SUCLG2: variants seen among roughly 807,000 people sequenced by gnomAD.
SUCLG2 encodes succinate-CoA ligase GDP-forming subunit beta, also known as succinate--CoA ligase [GDP-forming] subunit beta, mitochondrial.
In SUCLG2, 42 loss-of-function variants were observed where a neutral mutation model predicts 47.9. That is an observed-to-expected ratio of 0.88 (90% CI 0.69 to 1.14). The LOEUF (loss-of-function observed/expected upper bound fraction) is 1.14, where lower values mean the gene tolerates loss of function less well. Among genes scored for constraint, SUCLG2 ranks in the 50% most tolerant of loss-of-function variants. The pLI, the probability that SUCLG2 is intolerant of heterozygous loss-of-function variation, is 0.00. For synonymous variants in SUCLG2, 195 were observed against 197.3 expected (o/e 0.99, Z 0.10); for missense variants, 571 against 525.9 (o/e 1.09, Z -0.84).
chr3:67,634,888 T>C (rs1413018663), intron 1 of SUCLG2, among the ~76,000 whole-genome samples: 1 of 152,226 alleles, frequency 6.6e-6, no homozygotes, highest in African/African-American at 2.4e-5. Context: ...CTAACCAATC[T>C]TCCTTTTCCT....
intron 2 of SUCLG2, among the ~76,000 whole-genome samples, chr3:67,531,148 A>G (rs534530653): frequency 1.3e-5 from 2 of 152,364 alleles, no homozygotes; most frequent in East Asian, 1.9e-4. Context: ...AAGTCAAAAT[A>G]TGATAGCTAT....
At chr3:67,364,435 C>G (rs1219589489) in intron 10 of SUCLG2, among the ~76,000 whole-genome samples, 4 of 143,170 alleles carry the variant, frequency 2.8e-5, no homozygotes, top group Admixed American at 6.9e-5. Flanking sequence ...CCACCCCCCC[C>G]ACCCCCAAGT....
chr3:67,386,867 C>T (rs148834198), intron 10 of SUCLG2, among the ~76,000 whole-genome samples: 51 of 152,274 alleles, frequency 3.3e-4, no homozygotes, highest in Admixed American at 9.1e-4. Context: ...CCCTGGAGAC[C>T]TTCTCAAGAA....
intron 9 of SUCLG2, among the ~76,000 whole-genome samples, chr3:67,483,526 A>G (rs1704973400): frequency 6.6e-6 from 1 of 152,204 alleles, no homozygotes; most frequent in Admixed American, 6.5e-5. Context: ...ACCAGCAGAT[A>G]TATTGCATAA....
intron 2 of SUCLG2, among the ~76,000 whole-genome samples, chr3:67,575,288 A>T (rs1247898001): frequency 2.0e-5 from 3 of 152,250 alleles, no homozygotes; most frequent in Admixed American, 6.5e-5. Context: ...TCAAAGTGCA[A>T]ACAATCTAAA....
At chr3:67,569,626 T>G (rs539261300) in intron 2 of SUCLG2, among the ~76,000 whole-genome samples, 11 of 152,258 alleles carry the variant, frequency 7.2e-5, no homozygotes, top group Non-Finnish European at 1.3e-4. Context: ...CCTTCTAATT[T>G]GTCCCTTTAG....
intron 9 of SUCLG2, among the ~76,000 whole-genome samples, chr3:67,464,883 C>T (rs529358115): frequency 1.3e-5 from 2 of 152,244 alleles, no homozygotes; most frequent in African/African-American, 4.8e-5. Flanking sequence ...AAGCTGCCAG[C>T]ATGGTGCTAA....
chr3:67,450,775 C>T (rs187851001), intron 9 of SUCLG2, among the ~76,000 whole-genome samples: 17 of 152,326 alleles, frequency 1.1e-4, no homozygotes, highest in African/African-American at 4.1e-4. Context: ...CATCATTTCC[C>T]AGGCCTTGGC....
chr3:67,491,553 C>T (rs999175200), intron 9 of SUCLG2, among the ~76,000 whole-genome samples: 10 of 151,930 alleles, frequency 6.6e-5, no homozygotes, highest in East Asian at 1.9e-4. Flanking sequence ...TAAGTAGAGA[C>T]GGGGTTTTAC....
Position 67,508,878 on chromosome 3 carries a change from T to C in SUCLG2, c.686A>G (p.Tyr229Cys), listed in dbSNP as rs1705712560. 1 of 1,611,926 alleles carries C rather than the reference T, an allele frequency of 6.2e-7. No homozygotes were observed. The change falls in exon 7 of 11, where the codon TAT (tyrosine) becomes TGT (cysteine). Residue 229 changes from tyrosine to cysteine, a missense_variant. Tyr to Cys is a radical substitution (Grantham distance 194). Coordinates refer to ENST00000307227, the MANE Select transcript of SUCLG2 (RefSeq NM_003848.4). ...SQAADQITKL[Y>C]NLFLKIDATQ... ...AGCATCAATTTTCAGGAAGAGATTA[T>C]ACAGCTTCGTAATTTGATCTGCAGC...
At chr3:67,539,984 T>C (rs1292956705) in intron 2 of SUCLG2, among the ~76,000 whole-genome samples, 3 of 152,020 alleles carry the variant, frequency 2.0e-5, no homozygotes, top group Non-Finnish European at 4.4e-5. Context: ...CTATCTATTT[T>C]GTTAGCCTTT....
chr3:67,467,786 A>G (rs1575716237), intron 9 of SUCLG2, among the ~76,000 whole-genome samples: 1 of 152,012 alleles, frequency 6.6e-6, no homozygotes, highest in Admixed American at 6.6e-5. Context: ...TAATATACCC[A>G]TTTCACAGGC....
Position 67,386,288 on chromosome 3 carries a change from G to A in SUCLG2, c.1184-10429C>T, listed in dbSNP as rs554988580. Among the ~76,000 whole-genome samples the A allele has an allele frequency of 6.6e-4, 99 of 149,724 alleles. 1 individual carries two copies. The highest frequency in any genetic ancestry group is 1.2e-3 in the Admixed American group (18 of 15,046). On this transcript the variant is annotated intron_variant, in intron 10 of 10. Transcript: ENST00000307227. The stretch of plus-strand genomic sequence containing the variant: ...TTTTTTTTGTATTTTTAGTAGAGAC[G>A]GGGTTTCACCGTGTTAGCCAGGATG...
intron 9 of SUCLG2, among the ~76,000 whole-genome samples, chr3:67,454,406 A>G (rs565820463): frequency 1.5e-4 from 1 of 6,680 alleles, no homozygotes; most frequent in Non-Finnish European, 2.5e-4. Context: ...TCAAATATAT[A>G]AAAAAAAAAT....
intron 2 of SUCLG2, among the ~76,000 whole-genome samples, chr3:67,568,557 C>T (rs1043730190): frequency 4.6e-5 from 7 of 152,274 alleles, no homozygotes; most frequent in Non-Finnish European, 7.4e-5. Flanking sequence ...ATTAAAATTA[C>T]CTTCCCTCAT....
intron 2 of SUCLG2, among the ~76,000 whole-genome samples, chr3:67,547,541 T>C (rs993405899): frequency 4.6e-5 from 7 of 152,096 alleles, no homozygotes; most frequent in Admixed American, 4.6e-4. Context: ...CCCTTTCTCA[T>C]TGCCTCCCAG....
intron 10 of SUCLG2, among the ~76,000 whole-genome samples, chr3:67,391,603 C>A (rs1352767849): frequency 6.6e-6 from 1 of 152,118 alleles, no homozygotes; most frequent in Non-Finnish European, 1.5e-5. Flanking sequence ...AAAAAGGCAG[C>A]CTCGGTAGAT....
At chr3:67,385,318 T>C (rs1232544533) in intron 10 of SUCLG2, among the ~76,000 whole-genome samples, 1 of 152,196 alleles carries the variant, frequency 6.6e-6, no homozygotes, top group Non-Finnish European at 1.5e-5. Context: ...GGATGACCAC[T>C]GCCTAGAGTG....
chr3:67,609,618 G>C, intron 1 of SUCLG2, 22 bp from the exon 2 acceptor site: 4 of 1,608,734 alleles, frequency 2.5e-6, no homozygotes, highest in Non-Finnish European at 3.4e-6. Context: ...GAAGGAGAGA[G>C]GTAAGAACAT....
Sources: gnomAD v4.1 joint callset for allele counts (sites outside exome capture counted in the v4.1 genomes callset) on GRCh38, gnomAD v4.1.1 for gene constraint, MANE v1.5 for transcripts, NCBI Gene and HGNC (gene_info 2026-07-23, HGNC 2026-07-21) for gene names.